NRXN1: variants seen among roughly 807,000 people sequenced by gnomAD.
NRXN1 encodes the protein neurexin 1.
In NRXN1, 39 loss-of-function variants were observed where a neutral mutation model predicts 150.9. The ratio of observed to expected loss-of-function variants is 0.26; its 90% CI spans 0.20 to 0.34. The LOEUF (loss-of-function observed/expected upper bound fraction) is 0.34, where lower values mean the gene tolerates loss of function less well. Ranked by LOEUF, NRXN1 falls within the 10% of genes least tolerant of loss-of-function variation. The pLI is 1.00. For synonymous variants in NRXN1, 924 were observed against 757.0 expected (o/e 1.22, Z -3.62); for missense variants, 1,815 against 1,949.9 (o/e 0.93, Z 1.30).
intron 18 of NRXN1, among the ~76,000 whole-genome samples, chr2:50,166,321 G>T (rs867855496): frequency 8.1e-6 from 1 of 123,098 alleles, no homozygotes; most frequent in African/African-American, 3.6e-5. Context: ...GTGTGTGTGT[G>T]TGTTTGTGTG....
intron 22 of NRXN1, among the ~76,000 whole-genome samples, chr2:49,924,694 A>C (rs1428720049): frequency 6.6e-6 from 1 of 152,212 alleles, no homozygotes; most frequent in Non-Finnish European, 1.5e-5. Context: ...GCCTAAAAAT[A>C]TCTCTACACA....
intron 5 of NRXN1, among the ~76,000 whole-genome samples, chr2:50,833,135 C>T (rs1458757414): frequency 1.3e-5 from 2 of 152,136 alleles, no homozygotes; most frequent in Non-Finnish European, 2.9e-5. Context: ...ACACCATGTT[C>T]TATACATATA....
chr2:50,191,820 G>C (rs1036518736), intron 18 of NRXN1, among the ~76,000 whole-genome samples: 5 of 152,070 alleles, frequency 3.3e-5, no homozygotes, highest in Non-Finnish European at 5.9e-5. Context: ...GTTATACACT[G>C]TGCATAACAC....
At chr2:50,418,264 G>C (rs1275729817) in intron 17 of NRXN1, among the ~76,000 whole-genome samples, 1 of 151,892 alleles carries the variant, frequency 6.6e-6, no homozygotes, top group Non-Finnish European at 1.5e-5. Flanking sequence ...GTCCTGAACA[G>C]GCTCAAAAAG....
chr2:50,419,387 A>G (rs1489028275), intron 17 of NRXN1, among the ~76,000 whole-genome samples: 6 of 152,092 alleles, frequency 3.9e-5, no homozygotes, highest in Admixed American at 1.3e-4. Context: ...TCATCTCTGC[A>G]TCAGCTGGAC....
intron 18 of NRXN1, among the ~76,000 whole-genome samples, chr2:50,158,649 T>C (rs1315645719): frequency 6.6e-6 from 1 of 152,128 alleles, no homozygotes; most frequent in Non-Finnish European, 1.5e-5. Context: ...AAGCTGAGTG[T>C]TAAGCCATTG....
intron 21 of NRXN1, among the ~76,000 whole-genome samples, chr2:50,043,154 C>G (rs1317618493): frequency 6.6e-6 from 1 of 151,970 alleles, no homozygotes; most frequent in Non-Finnish European, 1.5e-5. Flanking sequence ...AATCAAATTC[C>G]CAAACAATGT....
rs569488565 is a variant in NRXN1, at chr2:50,618,883, A to G, written c.1320+1139T>C. On this transcript the variant is annotated intron_variant, in intron 8 of 22. Transcript: ENST00000401669. Reference sequence around the variant, plus strand: ...CAGTAAAAGTTACTTTCTGAAAGGCAATCTATCACTCCTACTACAAAGCAT... The same window carrying G: ...CAGTAAAAGTTACTTTCTGAAAGGCGATCTATCACTCCTACTACAAAGCAT... Among the ~76,000 whole-genome samples, 3 of 152,120 alleles carry G rather than the reference A, an allele frequency of 2.0e-5. No individual in the cohort carries two copies. In the East Asian group the frequency reaches 5.8e-4, roughly 29 times the overall value.
chr2:49,922,397 C>A (rs1054391490), intron 22 of NRXN1, 146 bp from the exon 23 acceptor site: 2 of 839,152 alleles, frequency 2.4e-6, no homozygotes, highest in East Asian at 2.7e-5. Context: ...CATCCCTTTG[C>A]CTCATGGTTA....
At chr2:50,465,909 A>G (rs536368194) in intron 16 of NRXN1, among the ~76,000 whole-genome samples, 1 of 151,990 alleles carries the variant, frequency 6.6e-6, no homozygotes, top group East Asian at 1.9e-4. Flanking sequence ...TCTCCTTAAC[A>G]TTCTGACCAA....
intron 18 of NRXN1, among the ~76,000 whole-genome samples, chr2:50,143,564 C>G (rs1333582617): frequency 6.6e-6 from 1 of 151,924 alleles, no homozygotes. Context: ...GAGAGAGCAG[C>G]AAATGTGCAA....
At chr2:50,687,185 G>A (rs1441930625) in intron 5 of NRXN1, among the ~76,000 whole-genome samples, 1 of 152,110 alleles carries the variant, frequency 6.6e-6, no homozygotes, top group African/African-American at 2.4e-5. Flanking sequence ...TTAAAGATGG[G>A]ATTAGTAATA....
chr2:49,986,429 AAAT>A (rs1427263083), intron 21 of NRXN1, among the ~76,000 whole-genome samples: 1 of 152,244 alleles, frequency 6.6e-6, no homozygotes. Context: ...ATTTTAAAGA[AAAT>A]AATACTGTTT....
At chr2:51,026,888 C>G (rs1277498173) in intron 2 of NRXN1, among the ~76,000 whole-genome samples, 1 of 152,206 alleles carries the variant, frequency 6.6e-6, no homozygotes, top group East Asian at 1.9e-4. Context: ...AGAAACGCTT[C>G]ACATCCTCTC....
At chr2:50,331,495 T>A (rs2076833928) in intron 17 of NRXN1, among the ~76,000 whole-genome samples, 1 of 152,154 alleles carries the variant, frequency 6.6e-6, no homozygotes, top group African/African-American at 2.4e-5. Context: ...CTAGGGATGT[T>A]CTATTCCATC....
intron 2 of NRXN1, among the ~76,000 whole-genome samples, chr2:50,936,880 T>A (rs770350925): frequency 3.9e-5 from 6 of 151,996 alleles, no homozygotes; most frequent in South Asian, 2.1e-4. Flanking sequence ...TTTTAAAAAA[T>A]GAATAAATTG....
intron 17 of NRXN1, among the ~76,000 whole-genome samples, chr2:50,322,850 C>G (rs939902686): frequency 3.8e-4 from 58 of 152,142 alleles, no homozygotes; most frequent in Admixed American, 6.5e-4. Context: ...TCTCTGTAAG[C>G]CATTCTGTAT....
chr2:50,168,815 A>G (rs1256360197), intron 18 of NRXN1, among the ~76,000 whole-genome samples: 1 of 152,236 alleles, frequency 6.6e-6, no homozygotes, highest in Non-Finnish European at 1.5e-5. Flanking sequence ...CTCTTGCTTG[A>G]AATTCAAGGC....
intron 22 of NRXN1, among the ~76,000 whole-genome samples, chr2:49,924,073 T>A (rs1668675879): frequency 6.6e-6 from 1 of 152,216 alleles, no homozygotes; most frequent in Middle Eastern, 3.2e-3. Flanking sequence ...AGGCAGCACT[T>A]TTTCTTTTAA....
Sources: gnomAD v4.1 joint callset for allele counts (sites outside exome capture counted in the v4.1 genomes callset) on GRCh38, gnomAD v4.1.1 for gene constraint, MANE v1.5 for transcripts, NCBI Gene and HGNC (gene_info 2026-07-23, HGNC 2026-07-21) for gene names.